The following LONP2 variants were observed in gnomAD, a reference collection of about 807,000 sequenced individuals.
LONP2 encodes the protein lon protease homolog 2, peroxisomal.
A neutral mutation model predicts 85.6 loss-of-function variants in LONP2; 60 were observed. The observed-to-expected ratio is 0.70, with a 90% CI of 0.57 to 0.87. LONP2 has a LOEUF of 0.87. LONP2 is among the 40% of genes least tolerant of loss of function. LONP2 has a pLI of 0.00. For missense variants in LONP2, 860 were observed against 1,063.5 expected (o/e 0.81, Z 2.66); for synonymous variants, 395 against 389.7 (o/e 1.01, Z -0.16).
At chr16:48,346,365 C>T (rs531113179) in intron 12 of LONP2, among the ~76,000 whole-genome samples, 1 of 152,228 alleles carries the variant, frequency 6.6e-6, no homozygotes, top group East Asian at 1.9e-4. Flanking sequence ...TACTGATTTT[C>T]CACTGTTACT....
rs1451034345 is a variant in LONP2 at position 48,354,230 on chromosome 16, T to G, written c.*2428T>G. 8.1e-6 allele frequency: 1 copy of G among 124,194 alleles called. No individual in the cohort carries two copies. Among genetic ancestry groups the G allele is most frequent in the Admixed American group, 9.6e-5 (1 of 10,430 alleles). The allele number at this position is 124,194 out of a possible 1,614,324, so 7.7% of individuals were successfully genotyped here. On this transcript the variant is annotated 3_prime_UTR_variant, in exon 15 of 15. Transcript: ENST00000285737. ...TTTTTTTTTTTTTTTTTTTTTGAGA[T>G]GGAGTCTTGCTCTGTTACCCAGGCT...
intron 5 of LONP2, 63 bp downstream of exon 5, chr16:48,261,650 C>A: frequency 8.3e-7 from 1 of 1,200,014 alleles, no homozygotes; most frequent in South Asian, 1.8e-5. Context: ...ATTAACACCA[C>A]TTTCACTACT....
At chr16:48,342,083 G>C (rs1959829640) in intron 12 of LONP2, among the ~76,000 whole-genome samples, 1 of 152,134 alleles carries the variant, frequency 6.6e-6, no homozygotes, top group Admixed American at 6.6e-5. Flanking sequence ...AAGGGACAAA[G>C]GACCAATATA....
At chr16:48,342,811 G>A (rs1439385785) in intron 12 of LONP2, among the ~76,000 whole-genome samples, 1 of 152,218 alleles carries the variant, frequency 6.6e-6, no homozygotes, top group African/African-American at 2.4e-5. Flanking sequence ...GCCCTGGCAG[G>A]AGCATTCAAG....
chr16:48,252,092 T>C lies in LONP2; in HGVS notation c.234-39T>C, dbSNP rs1971664576. 1.9e-5 allele frequency: 28 copies of C among 1,444,848 alleles called. No homozygotes were observed. The East Asian group carries it at 6.1e-4, about 32-fold the overall frequency. 89.5% of individuals were successfully genotyped at this position (1,444,848 alleles called of 1,614,324 possible). ...TGAAGTGAGTTTCTGTTCTACCGTATTGAATGTTTGTAATACCGATGTTTT... is the reference window on the plus strand; with the variant it reads ...TGAAGTGAGTTTCTGTTCTACCGTACTGAATGTTTGTAATACCGATGTTTT... On this transcript the variant is annotated intron_variant, in intron 1 of 14. Transcript: ENST00000285737.
intron 12 of LONP2, among the ~76,000 whole-genome samples, chr16:48,343,428 G>A (rs570718910): frequency 6.6e-5 from 10 of 152,330 alleles, no homozygotes; most frequent in African/African-American, 2.4e-5. Context: ...GCCGGGCACA[G>A]CAGCTCACAC....
intron 8 of LONP2, among the ~76,000 whole-genome samples, chr16:48,287,684 T>G (rs1972475850): frequency 6.6e-6 from 1 of 152,220 alleles, no homozygotes. Context: ...TTGATTTTGC[T>G]ACCATGAACT....
At chr16:48,349,826 A>G (rs1208287551) in intron 14 of LONP2, among the ~76,000 whole-genome samples, 5 of 152,252 alleles carry the variant, frequency 3.3e-5, no homozygotes, top group African/African-American at 9.6e-5. Flanking sequence ...AACATTTCCT[A>G]GAAGTTAAGG....
intron 11 of LONP2, 43 bp downstream of exon 11, chr16:48,303,348 A>G (rs1326943241): frequency 8.1e-6 from 13 of 1,598,406 alleles, no homozygotes; most frequent in Non-Finnish European, 1.1e-5. Context: ...GGTGGCTAGG[A>G]GTGAGTGACA....
chr16:48,361,538 C>T, downstream of LONP2: 1 of 1,593,432 alleles, frequency 6.3e-7, no homozygotes, highest in Non-Finnish European at 8.6e-7. Flanking sequence ...TTCTGTGAAA[C>T]TGAAGTTTTA....
At chr16:48,269,130 A>G (rs1291570594) in intron 6 of LONP2, among the ~76,000 whole-genome samples, 3 of 151,516 alleles carry the variant, frequency 2.0e-5, no homozygotes, top group Non-Finnish European at 2.9e-5. Flanking sequence ...ACAAAGCCTA[A>G]CTCATACACT....
At chr16:48,275,263 G>A (rs1422944691) in intron 7 of LONP2, among the ~76,000 whole-genome samples, 1 of 152,166 alleles carries the variant, frequency 6.6e-6, no homozygotes, top group African/African-American at 2.4e-5. Context: ...GGAAACTGAG[G>A]CTTAGGTCAA....
At chr16:48,350,042 A>T (rs1960090543) in intron 14 of LONP2, among the ~76,000 whole-genome samples, 1 of 152,188 alleles carries the variant, frequency 6.6e-6, no homozygotes, top group African/African-American at 2.4e-5. Flanking sequence ...GCTCAAGTCC[A>T]GGAGTTCAAG....
At chr16:48,317,821 G>C (rs1973176899) in intron 11 of LONP2, among the ~76,000 whole-genome samples, 2 of 152,222 alleles carry the variant, frequency 1.3e-5, no homozygotes, top group Admixed American at 1.3e-4. Context: ...TGAGCCCCCT[G>C]CTGACCACAA....
At position 48,347,641 on chromosome 16, in the gene LONP2, C is replaced by T. The variant is rs754220021; in HGVS notation, c.2073C>T (p.Asp691=). Residue 691 remains aspartate (D), a synonymous_variant, in exon 13 of 15, where the codon GAC becomes GAT. Transcript: ENST00000285737. ...TAACTCTGACCGGCCAGCTCGGGGA[C>T]GTGATGAAGGAGTCCGCCCACCTCG... ...GQLTLTGQLG[D]VMKESAHLAI... The T allele has an allele frequency of 4.3e-6, 7 of 1,614,224 alleles. No homozygotes were observed. In the South Asian group the frequency reaches 4.4e-5, roughly 10 times the overall value.
chr16:48,310,935 C>T (rs533662691), intron 11 of LONP2, among the ~76,000 whole-genome samples: 1 of 152,284 alleles, frequency 6.6e-6, no homozygotes, highest in East Asian at 1.9e-4. Context: ...TAGCAGGATA[C>T]AAAATTCGAG....
intron 11 of LONP2, among the ~76,000 whole-genome samples, chr16:48,307,334 T>C (rs1412371826): frequency 1.3e-5 from 2 of 152,222 alleles, no homozygotes; most frequent in African/African-American, 4.8e-5. Flanking sequence ...GAGAGATTAG[T>C]TGGATTACAT....
intron 11 of LONP2, among the ~76,000 whole-genome samples, chr16:48,312,546 C>T (rs1403406462): frequency 2.0e-5 from 3 of 152,090 alleles, no homozygotes; most frequent in African/African-American, 7.2e-5. Flanking sequence ...GTGACATAGA[C>T]ACTGTATGAT....
Position 48,347,728 on chromosome 16 carries a change from C to G in LONP2, c.2146+14C>G. 2 of 1,607,414 alleles carry G rather than the reference C, an allele frequency of 1.2e-6. No individual in the cohort carries two copies. The highest frequency in any genetic ancestry group is 1.7e-6 in the Non-Finnish European group (2 of 1,177,512). On this transcript the variant is annotated intron_variant, in intron 13 of 14. Coordinates refer to ENST00000285737, the MANE Select transcript of LONP2 (RefSeq NM_031490.5). ...AGCTGACCAATGGTAGGAGCCTGCACCCGGCCAGGCAGGCGTGACCCAGGA... is the reference window on the plus strand; with the variant it reads ...AGCTGACCAATGGTAGGAGCCTGCAGCCGGCCAGGCAGGCGTGACCCAGGA...
Sources: allele counts gnomAD v4.1 joint callset (sites outside exome capture counted in the v4.1 genomes callset), GRCh38; gene constraint gnomAD v4.1.1; transcripts MANE v1.5; gene names NCBI Gene and HGNC (gene_info 2026-07-23, HGNC 2026-07-21).